The following KRT34 variants were observed in gnomAD, a reference collection of about 807,000 sequenced individuals.
The protein encoded by KRT34 is keratin 34.
KRT34 carries 31 observed loss-of-function variants against 41.7 expected under a neutral mutation model. The ratio of observed to expected loss-of-function variants is 0.74; its 90% CI spans 0.56 to 1.00. The LOEUF is 1.00. KRT34 is among the 50% of genes least tolerant of loss of function. The pLI is 0.00. For missense variants in KRT34, 523 were observed against 500.3 expected, an observed-to-expected ratio of 1.05 and a Z score of -0.43; for synonymous variants, 224 against 212.9, an observed-to-expected ratio of 1.05 and a Z score of -0.45.
intron 3 of KRT34, among the ~76,000 whole-genome samples, chr17:41,380,720 G>A (rs2017961861): frequency 6.6e-6 from 1 of 152,160 alleles, no homozygotes; most frequent in Non-Finnish European, 1.5e-5. Context: ...ATACTAGACT[G>A]TGAGCTCTTT....
intron 3 of KRT34, 72 bp downstream of exon 3, chr17:41,380,984 C>A: frequency 1.4e-6 from 2 of 1,437,130 alleles, no homozygotes; most frequent in Non-Finnish European, 2.0e-6. Flanking sequence ...GGGATCCAGA[C>A]AGTAATCCTC....
At chr17:41,378,509 T>A (rs2017889485) in intron 6 of KRT34, among the ~76,000 whole-genome samples, 1 of 152,160 alleles carries the variant, frequency 6.6e-6, no homozygotes. Flanking sequence ...CAGGCTGGTC[T>A]TGAACTCCTG....
At position 41,377,845 on chromosome 17, in the gene KRT34, G is replaced by A. The variant is rs983581400; in HGVS notation, c.*214C>T. 4 of 524,718 alleles carry A rather than the reference G, an allele frequency of 7.6e-6. No individual in the cohort carries two copies. Among genetic ancestry groups the A allele is most frequent in the African/African-American group, 1.9e-5 (1 of 53,318 alleles). The allele number at this position is 524,718 out of a possible 1,614,324, so 32.5% of individuals were successfully genotyped here. ...AACATCTTTAGAAACAAACAGGCTC[G>A]ACCCTCAACAGGAAGGAGTTGTCCA... On this transcript the variant is annotated 3_prime_UTR_variant, in exon 7 of 7. Transcript: ENST00000394001.
chr17:41,381,386 C>T (rs996614263), intron 2 of KRT34, among the ~76,000 whole-genome samples, 174 bp from the exon 3 acceptor site: 2 of 152,182 alleles, frequency 1.3e-5, no homozygotes, highest in African/African-American at 4.8e-5. Flanking sequence ...CCCTGACTCA[C>T]CTAACACCAC....
chr17:41,382,389 G>A, upstream of KRT34: 1 of 1,588,080 alleles, frequency 6.3e-7, no homozygotes, highest in Non-Finnish European at 8.6e-7. Context: ...CTTTCCTAAT[G>A]CTTCAGCTAA....
chr17:41,383,628 G>A (rs2018039439), upstream of KRT34, among the ~76,000 whole-genome samples: 1 of 152,082 alleles, frequency 6.6e-6, no homozygotes, highest in Non-Finnish European at 1.5e-5. Context: ...TGGAGCAAGG[G>A]TGCTCAGAGG....
At position 41,379,328 on chromosome 17, in the gene KRT34, A is replaced by G. The variant is rs372644191; in HGVS notation, c.876+25T>C. On this transcript the variant is annotated intron_variant, in intron 5 of 6. Coordinates refer to ENST00000394001, the MANE Select transcript of KRT34 (RefSeq NM_001386014.1). ...TCTGCCTCCCAAGTTCCCATCGCTCACCAGCAGGTCTGAACAATACACACC... is the reference window on the plus strand; with the variant it reads ...TCTGCCTCCCAAGTTCCCATCGCTCGCCAGCAGGTCTGAACAATACACACC... The G allele has an allele frequency of 2.4e-5, 38 of 1,612,914 alleles. No homozygotes were observed. In the African/African-American group the frequency reaches 5.1e-4, roughly 22 times the overall value.
In KRT34 at chr17:41,379,599, T is replaced by C. The variant is rs779076947; in HGVS notation, c.721A>G (p.Arg241Gly). The C allele has an allele frequency of 2.5e-6, 4 of 1,614,102 alleles. No individual in the cohort carries two copies. The highest frequency in any genetic ancestry group is 1.1e-5 in the South Asian group (1 of 91,078). Residue 241 changes from arginine (R) to glycine (G), a missense_variant, in exon 4 of 7, where the codon AGG (arginine) becomes GGG (glycine). Physicochemically the swap from Arg to Gly is moderately radical, Grantham distance 125 (BLOSUM62 -2). Coordinates refer to ENST00000394001, the MANE Select transcript of KRT34 (RefSeq NM_001386014.1). ...QYEALVEINR[R>G]EVEQWFATQT... ...GTGGCGAACCATTGCTCCACTTCCC[T>C]GCGGTTAATTTCCACCAGAGCCTCA...
At chr17:41,382,952 C>G (rs1447478595), upstream of KRT34, among the ~76,000 whole-genome samples, 1 of 151,718 alleles carries the variant, frequency 6.6e-6, no homozygotes, top group East Asian at 1.9e-4. Flanking sequence ...AGGGCATCTG[C>G]AAATGGCAGC....
At chr17:41,381,417 T>C (rs1159699393) in intron 2 of KRT34, among the ~76,000 whole-genome samples, 1 of 152,188 alleles carries the variant, frequency 6.6e-6, no homozygotes, top group Admixed American at 6.5e-5. Flanking sequence ...CAGGCACACA[T>C]GAGATGAAGT....
chr17:41,378,189 T>C (rs1361422085), intron 6 of KRT34, 43 bp from the exon 7 acceptor site: 2 of 1,282,406 alleles, frequency 1.6e-6, no homozygotes, highest in African/African-American at 2.9e-5. Context: ...GGAGGAGGTT[T>C]TAATGCACAC....
At position 41,381,812 on chromosome 17, in the gene KRT34, C is replaced by T. The variant is rs752443261; in HGVS notation, c.349-17G>A. 1.2e-6 allele frequency: 2 copies of T among 1,614,218 alleles called. No individual in the cohort carries two copies. The highest frequency in any genetic ancestry group is 1.1e-5 in the South Asian group (1 of 91,080). The stretch of plus-strand genomic sequence containing the variant: ...ACACAGAATCTGAAAAGAAATTTCT[C>T]TCATGAGGTACACTTGAACTTGAAA... On this transcript the variant is annotated splice_polypyrimidine_tract_variant and intron_variant, in intron 1 of 6. Coordinates refer to ENST00000394001, the MANE Select transcript of KRT34 (RefSeq NM_001386014.1).
At chr17:41,382,823 C>T (rs902736213), upstream of KRT34, among the ~76,000 whole-genome samples, 4 of 152,128 alleles carry the variant, frequency 2.6e-5, no homozygotes, top group Admixed American at 2.0e-4. Flanking sequence ...CCTTACTATT[C>T]GTTGGGGTTT....
chr17:41,381,862 AGCT>A (rs1303484225), intron 1 of KRT34, 34 bp downstream of exon 1: 3 of 1,612,978 alleles, frequency 1.9e-6, no homozygotes, highest in Non-Finnish European at 2.5e-6. Flanking sequence ...AAAGAGAGCC[AGCT>A]GCTGCTGGCC....
upstream of KRT34, among the ~76,000 whole-genome samples, chr17:41,383,206 A>AT (rs1057369147): frequency 7.2e-5 from 11 of 152,236 alleles, no homozygotes; most frequent in African/African-American, 2.4e-4. Context: ...TTTAGCAGAA[A>AT]TGGGGTTTCA....
At chr17:41,380,914 G>A in intron 3 of KRT34, 142 bp downstream of exon 3, 3 of 819,552 alleles carry the variant, frequency 3.7e-6, no homozygotes, top group Non-Finnish European at 6.1e-6. Context: ...CCTTGATATG[G>A]ATGTAGCACC....
chr17:41,382,464 C>T (rs528393488), upstream of KRT34: 1 of 1,084,392 alleles, frequency 9.2e-7, no homozygotes, highest in Non-Finnish European at 1.3e-6. Flanking sequence ...TAAAATTATT[C>T]CATTCAGCTT....
rs779731894 is a variant in KRT34 at position 41,381,246 on chromosome 17, A to T, written c.432-34T>A. 3.1e-6 allele frequency: 5 copies of T among 1,601,004 alleles called. No homozygotes were observed. The South Asian group carries it at 5.6e-5, about 18-fold the overall frequency. On this transcript the variant is annotated intron_variant, in intron 2 of 6. Coordinates refer to ENST00000394001, the MANE Select transcript of KRT34 (RefSeq NM_001386014.1). ...GTCGGAGTGGGAGGATAAGTCAGGA[A>T]AGAAAACCACCTTCCCCTCTCATGT...
Position 41,382,127 on chromosome 17 carries a change from A to G in KRT34, c.120T>C (p.Asn40=). Residue 40 remains asparagine (N), a synonymous_variant, in exon 1 of 7, where the codon AAT becomes AAC. Transcript: ENST00000394001. ...TLPGACNIPA[N]VSNCNWFCEG... ...CACAGAACCAGTTGCAGTTGCTCACATTGGCGGGGATGTTGCAGGCCCCAG... is the reference window on the plus strand; with the variant it reads ...CACAGAACCAGTTGCAGTTGCTCACGTTGGCGGGGATGTTGCAGGCCCCAG... 2 of 1,612,442 alleles carry G rather than the reference A, an allele frequency of 1.2e-6. No individual in the cohort carries two copies. Among genetic ancestry groups the G allele is most frequent in the South Asian group, 2.2e-5 (2 of 91,006 alleles).
Sources: allele counts gnomAD v4.1 joint callset (sites outside exome capture counted in the v4.1 genomes callset), GRCh38; gene constraint gnomAD v4.1.1; transcripts MANE v1.5; gene names NCBI Gene and HGNC (gene_info 2026-07-23, HGNC 2026-07-21).